ESRRB: variants seen among roughly 807,000 people sequenced by gnomAD.
The protein encoded by ESRRB is steroid hormone receptor ERR2.
ESRRB carries 16 observed loss-of-function variants against 46.0 expected under a neutral mutation model. The ratio of observed to expected loss-of-function variants is 0.35; its 90% confidence interval spans 0.24 to 0.53. ESRRB has a LOEUF of 0.53. Among genes scored for constraint, ESRRB ranks in the 20% least tolerant of loss-of-function variants. ESRRB has a pLI of 0.93. For missense variants in ESRRB, 488 were observed against 607.4 expected, an observed-to-expected ratio of 0.80 and a Z score of 2.07; for synonymous variants, 246 against 259.6, an observed-to-expected ratio of 0.95 and a Z score of 0.50.
chr14:76,368,126 CTTT>C (rs751709764), upstream of ESRRB, among the ~76,000 whole-genome samples: 214 of 124,206 alleles, frequency 1.7e-3, no homozygotes, highest in African/African-American at 4.0e-3. Context: ...CTAATTTTTC[CTTT>C]TTTTTTTTTT....
intron 1 of ESRRB, among the ~76,000 whole-genome samples, chr14:76,422,206 C>CT (rs552738537): frequency 0.012 from 1,166 of 94,722 alleles, 9 homozygotes; most frequent in Non-Finnish European, 0.017. Flanking sequence ...ACATTTCCTT[C>CT]TTTTTTTTTT....
chr14:76,381,001 CT>C (rs1407732609), intron 1 of ESRRB, among the ~76,000 whole-genome samples: 1 of 152,166 alleles, frequency 6.6e-6, no homozygotes, highest in Non-Finnish European at 1.5e-5. Context: ...CTGGTGACCC[CT>C]GATTGGTCTC....
chr14:76,347,431 GTGT>G (rs1884264898), intron 1 of ESRRB, among the ~76,000 whole-genome samples: 3 of 61,236 alleles, frequency 4.9e-5, no homozygotes, highest in African/African-American at 1.3e-4. Context: ...GTGTGTGTGT[GTGT>G]CACACACACA....
chr14:76,491,776 G>A, intron 6 of ESRRB, 60 bp downstream of exon 6: 2 of 1,506,776 alleles, frequency 1.3e-6, no homozygotes, highest in South Asian at 1.3e-5. Context: ...GGCCTAATGA[G>A]CCCATCCCTG....
At chr14:76,331,127 C>A (rs1884008617) in intron 1 of ESRRB, among the ~76,000 whole-genome samples, 1 of 152,152 alleles carries the variant, frequency 6.6e-6, no homozygotes, top group African/African-American at 2.4e-5. Flanking sequence ...TCCTCCCTCT[C>A]CCCTGAAGCT....
At position 76,320,375 on chromosome 14, in the gene ESRRB, G is replaced by A. The variant is rs530962736; in HGVS notation, c.2+9459G>A. Among the ~76,000 whole-genome samples the A allele has an allele frequency of 1.5e-3, 234 of 152,278 alleles. 1 individual carries two copies. Among genetic ancestry groups the A allele is most frequent in the Non-Finnish European group, 2.9e-3 (196 of 68,024 alleles). ...AGCCACTTCATCTCTTTTGGCCTCT[G>A]TTTCTTCTTCTGTAAAAGAAATCGG... On this transcript the variant is annotated intron_variant, in intron 1 of 6. Coordinates refer to the ESRRB transcript ENST00000512784.
chr14:76,404,669 C>T (rs1886097302), intron 1 of ESRRB, among the ~76,000 whole-genome samples: 1 of 152,188 alleles, frequency 6.6e-6, no homozygotes, highest in Non-Finnish European at 1.5e-5. Flanking sequence ...AGAATCGTCT[C>T]TGGCAACAGC....
intron 3 of ESRRB, among the ~76,000 whole-genome samples, chr14:76,469,306 G>C (rs1485700954): frequency 2.0e-5 from 3 of 152,026 alleles, no homozygotes; most frequent in African/African-American, 4.8e-5. Context: ...TGTTGGTCAG[G>C]CTGTTCGTGA....
At chr14:76,326,934 G>C (rs1206737492) in intron 1 of ESRRB, among the ~76,000 whole-genome samples, 1 of 152,242 alleles carries the variant, frequency 6.6e-6, no homozygotes, top group African/African-American at 2.4e-5. Context: ...GCCACGCCTG[G>C]GCCCAGCACC....
intron 1 of ESRRB, among the ~76,000 whole-genome samples, chr14:76,327,076 C>T (rs760590015): frequency 2.5e-4 from 38 of 152,256 alleles, no homozygotes; most frequent in Non-Finnish European, 4.6e-4. Context: ...CTCTTGGGGG[C>T]CTTCCTGGCT....
chr14:76,319,847 C>T (rs577662963), intron 1 of ESRRB, among the ~76,000 whole-genome samples: 2 of 151,882 alleles, frequency 1.3e-5, no homozygotes, highest in South Asian at 2.1e-4. Context: ...CTTGGTGGAC[C>T]GGGGCAGTCA....
chr14:76,475,032 C>T (rs1889522408), intron 3 of ESRRB, among the ~76,000 whole-genome samples: 1 of 151,718 alleles, frequency 6.6e-6, no homozygotes, highest in Non-Finnish European at 1.5e-5. Flanking sequence ...AGTTCGAGAC[C>T]AGCCTGGGCA....
At chr14:76,493,257 C>T (rs1345101444) in intron 6 of ESRRB, among the ~76,000 whole-genome samples, 5 of 152,128 alleles carry the variant, frequency 3.3e-5, no homozygotes, top group Non-Finnish European at 7.3e-5. Flanking sequence ...CGGGTTCAAG[C>T]GATTCTCGTG....
rs144958829 is a variant in ESRRB at position 76,318,295 on chromosome 14, C to T, written c.2+7379C>T. 2.0e-3 allele frequency among the ~76,000 whole-genome samples: 303 copies of T among 152,256 alleles called. 1 individual carries two copies. Among genetic ancestry groups the T allele is most frequent in the African/African-American group, 7.0e-3 (289 of 41,562 alleles). The stretch of plus-strand genomic sequence containing the variant: ...GAGGTTTGGGAGGGGAGTTGCCAAA[C>T]GGGGTGACCTCTGCAAGTTCTTAAC... On this transcript the variant is annotated intron_variant, in intron 1 of 6. Coordinates refer to the ESRRB transcript ENST00000512784.
At chr14:76,413,936 CCGCCCCTGCACCATCCCT>C (rs1414838910) in intron 1 of ESRRB, among the ~76,000 whole-genome samples, 3 of 94,202 alleles carry the variant, frequency 3.2e-5, no homozygotes, top group Admixed American at 1.1e-4. Flanking sequence ...GCACCGTCCG[CCGCCCCTGCACCATCCCT>C]CGCCCCTGCA....
At chr14:76,462,462 AT>A (rs1358616338) in intron 2 of ESRRB, 82 bp from the exon 3 acceptor site, 5 of 1,023,452 alleles carry the variant, frequency 4.9e-6, no homozygotes, top group Non-Finnish European at 7.5e-6. Flanking sequence ...GCAAATTAAA[AT>A]CCCCATCCAG....
At chr14:76,386,389 A>T (rs1418438906) in intron 1 of ESRRB, among the ~76,000 whole-genome samples, 1 of 150,358 alleles carries the variant, frequency 6.7e-6, no homozygotes. Context: ...TAAGAAACAC[A>T]TTGCTCTTAT....
intron 1 of ESRRB, among the ~76,000 whole-genome samples, chr14:76,352,125 G>A (rs972325698): frequency 6.6e-6 from 1 of 152,026 alleles, no homozygotes; most frequent in East Asian, 1.9e-4. Context: ...GGTGGTTGGA[G>A]CTCCACAGGC....
intron 5 of ESRRB, among the ~76,000 whole-genome samples, chr14:76,485,249 T>TC (rs1889962143): frequency 6.8e-6 from 1 of 146,074 alleles, no homozygotes; most frequent in African/African-American, 2.6e-5. Flanking sequence ...TTTTTTTTTT[T>TC]TTTTTTTTGA....
Sources: gnomAD v4.1 joint callset for allele counts (sites outside exome capture counted in the v4.1 genomes callset) on GRCh38, gnomAD v4.1.1 for gene constraint, MANE v1.5 for transcripts, NCBI Gene and HGNC (gene_info 2026-07-23, HGNC 2026-07-21) for gene names.